Variants in CHN2 observed in about 807,000 individuals in gnomAD.
CHN2 encodes the protein chimerin 2, also known as beta-chimaerin.
A neutral mutation model predicts 56.3 loss-of-function variants in CHN2; 35 were observed. The observed-to-expected ratio is 0.62, with a 90% CI of 0.47 to 0.82. The LOEUF (loss-of-function observed/expected upper bound fraction) is 0.82. Ranked by LOEUF, CHN2 falls within the 40% of genes least tolerant of loss-of-function variation. The probability of loss-of-function intolerance (pLI) is 0.00; values close to 1 mark genes in which losing one functional copy is unlikely to be tolerated. For synonymous variants in CHN2, 210 were observed against 212.8 expected, an observed-to-expected ratio of 0.99 and a Z score of 0.12; for missense variants, 491 against 580.5, an observed-to-expected ratio of 0.85 and a Z score of 1.58.
At chr7:29,261,056 T>A (rs1789507989) in intron 1 of CHN2, among the ~76,000 whole-genome samples, 1 of 152,224 alleles carries the variant, frequency 6.6e-6, no homozygotes, top group African/African-American at 2.4e-5. Context: ...AAGGTGATAA[T>A]GATACCCCCC....
At chr7:29,468,731 G>T (rs1785780143) in intron 6 of CHN2, among the ~76,000 whole-genome samples, 1 of 152,080 alleles carries the variant, frequency 6.6e-6, no homozygotes, top group South Asian at 2.1e-4. Flanking sequence ...CTGTCAAGAT[G>T]ATCACTTACT....
chr7:29,292,947 G>T (rs548695858), intron 1 of CHN2: 2 of 456,226 alleles, frequency 4.4e-6, no homozygotes, highest in South Asian at 1.5e-5. Flanking sequence ...CCAGAAGCCC[G>T]AGAGAGCTTC....
intron 7 of CHN2, among the ~76,000 whole-genome samples, chr7:29,488,815 CG>C (rs1326874072): frequency 6.6e-6 from 1 of 152,084 alleles, no homozygotes; most frequent in Non-Finnish European, 1.5e-5. Context: ...CCACAATGTA[CG>C]AGGCAGACCC....
At chr7:29,288,761 A>G (rs1446196719) in intron 1 of CHN2, 2 of 152,258 alleles carry the variant, frequency 1.3e-5, no homozygotes, top group African/African-American at 4.8e-5. Context: ...ACCAGTTCAG[A>G]GGGCTGGGAA....
chr7:29,420,863 A>G (rs754343144), intron 6 of CHN2, among the ~76,000 whole-genome samples: 23 of 149,184 alleles, frequency 1.5e-4, no homozygotes, highest in African/African-American at 5.4e-4. Flanking sequence ...AGGCTGGGGT[A>G]CAGTGGTGCC....
At chr7:29,229,503 C>T (rs1245497119) in intron 1 of CHN2, among the ~76,000 whole-genome samples, 2 of 152,200 alleles carry the variant, frequency 1.3e-5, no homozygotes, top group East Asian at 3.8e-4. Context: ...ATGGCACTGG[C>T]TCCAGTGACA....
At chr7:29,211,621 A>C (rs1784965986) in intron 1 of CHN2, among the ~76,000 whole-genome samples, 1 of 151,884 alleles carries the variant, frequency 6.6e-6, no homozygotes, top group Non-Finnish European at 1.5e-5. Context: ...TTCAGAATCC[A>C]CTCTAGAGTG....
At chr7:29,390,490 T>C (rs1801279084) in intron 3 of CHN2, among the ~76,000 whole-genome samples, 1 of 152,330 alleles carries the variant, frequency 6.6e-6, no homozygotes, top group East Asian at 1.9e-4. Context: ...CATGATATAT[T>C]GCATTTTCCA....
At chr7:29,252,757 G>A (rs1788739186) in intron 1 of CHN2, among the ~76,000 whole-genome samples, 1 of 123,234 alleles carries the variant, frequency 8.1e-6, no homozygotes, top group East Asian at 2.1e-4. Flanking sequence ...CACCGCGCCC[G>A]GCTAATTTTT....
chr7:29,488,960 GT>G (rs1788353440), intron 7 of CHN2, among the ~76,000 whole-genome samples: 1 of 152,180 alleles, frequency 6.6e-6, no homozygotes, highest in South Asian at 2.1e-4. Context: ...CCTTCTTACA[GT>G]TTCGATCCCA....
intron 1 of CHN2, among the ~76,000 whole-genome samples, chr7:29,266,103 G>A (rs1022570799): frequency 1.3e-5 from 2 of 152,190 alleles, no homozygotes; most frequent in Non-Finnish European, 1.5e-5. Flanking sequence ...TCAAAGATGT[G>A]TGTAAAATGT....
At chr7:29,405,251 G>A (rs1006510578) in intron 6 of CHN2, among the ~76,000 whole-genome samples, 2 of 141,518 alleles carry the variant, frequency 1.4e-5, no homozygotes, top group Non-Finnish European at 3.0e-5. Flanking sequence ...CACCCAGGCT[G>A]TTTCTTCTCA....
chr7:29,486,362 C>T (rs1442228736), intron 7 of CHN2, among the ~76,000 whole-genome samples: 1 of 152,200 alleles, frequency 6.6e-6, no homozygotes, highest in African/African-American at 2.4e-5. Flanking sequence ...GTGTTGTATG[C>T]ACCTGTGTTC....
chr7:29,323,308 A>T (rs1241484432), intron 1 of CHN2, among the ~76,000 whole-genome samples: 1 of 152,110 alleles, frequency 6.6e-6, no homozygotes, highest in East Asian at 1.9e-4. Flanking sequence ...TGCTCACTCA[A>T]CTTTCTTCAG....
intron 2 of CHN2, among the ~76,000 whole-genome samples, chr7:29,184,077 T>A (rs1187907438): frequency 6.6e-6 from 1 of 151,828 alleles, no homozygotes; most frequent in Non-Finnish European, 1.5e-5. Context: ...GATTTTGATA[T>A]CTGAGTGGGG....
At chr7:29,465,324 CCTT>C (rs1379561334) in intron 6 of CHN2, among the ~76,000 whole-genome samples, 1 of 152,176 alleles carries the variant, frequency 6.6e-6, no homozygotes, top group East Asian at 1.9e-4. Flanking sequence ...AATGTCAACA[CCTT>C]CTTAAGATTA....
At chr7:29,409,165 G>A (rs977292540) in intron 6 of CHN2, among the ~76,000 whole-genome samples, 1 of 152,148 alleles carries the variant, frequency 6.6e-6, no homozygotes, top group East Asian at 1.9e-4. Flanking sequence ...AGCTCTGCGG[G>A]CCTAGGACTT....
At chr7:29,426,647 A>G (rs1162849438) in intron 6 of CHN2, among the ~76,000 whole-genome samples, 2 of 152,230 alleles carry the variant, frequency 1.3e-5, no homozygotes, top group Admixed American at 6.5e-5. Context: ...TTAAAACAGC[A>G]CTCAGATGTT....
intron 1 of CHN2, among the ~76,000 whole-genome samples, chr7:29,233,959 A>G (rs39070): frequency 1.4e-5 from 2 of 143,212 alleles, no homozygotes; most frequent in Admixed American, 7.4e-5. Context: ...TCAGCCTCCC[A>G]AGTAGCTGGG....
Sources: allele counts gnomAD v4.1 joint callset (sites outside exome capture counted in the v4.1 genomes callset), GRCh38; gene constraint gnomAD v4.1.1; transcripts MANE v1.5; gene names NCBI Gene and HGNC (gene_info 2026-07-23, HGNC 2026-07-21).